The following EPG5 variants were observed in gnomAD, a reference collection of about 807,000 sequenced individuals.
EPG5 encodes the protein ectopic P granules protein 5 homolog.
In EPG5, 159 loss-of-function variants were observed where a neutral mutation model predicts 302.7. The ratio of observed to expected loss-of-function variants is 0.53; its 90% CI spans 0.46 to 0.60. The LOEUF (loss-of-function observed/expected upper bound fraction) is 0.60, where lower values mean the gene tolerates loss of function less well. Ranked by LOEUF, EPG5 falls within the 20% of genes least tolerant of loss-of-function variation. EPG5 has a pLI of 0.00. For synonymous variants in EPG5, 1,158 were observed against 1,136.8 expected (o/e 1.02, Z -0.37); for missense variants, 2,896 against 3,092.4 (o/e 0.94, Z 1.51).
intron 25 of EPG5, among the ~76,000 whole-genome samples, chr18:45,901,698 T>C (rs2049623206): frequency 6.6e-6 from 1 of 152,262 alleles, no homozygotes; most frequent in Admixed American, 6.5e-5. Context: ...TGCAGTCATA[T>C]AGTCCATCAG....
Position 45,939,785 on chromosome 18 carries a change from T to C in EPG5, c.1944-30A>G, listed in dbSNP as rs763126884. ...GCATGAGGAAAGATAATACAGTACT[T>C]TTCATTAGCTCAATATCTGCACCTT... On this transcript the variant is annotated intron_variant, in intron 9 of 43. Transcript: ENST00000282041. 8.8e-6 allele frequency: 14 copies of C among 1,594,770 alleles called. No homozygotes were observed. The Admixed American group carries it at 2.2e-4, about 26-fold the overall frequency.
intron 39 of EPG5, among the ~76,000 whole-genome samples, chr18:45,863,734 C>T (rs758911944): frequency 6.6e-6 from 1 of 152,182 alleles, no homozygotes; most frequent in Non-Finnish European, 1.5e-5. Flanking sequence ...CTTACAGATT[C>T]TTTTATTGAT....
At chr18:45,961,794 G>T (rs553993836) in intron 1 of EPG5, among the ~76,000 whole-genome samples, 60 of 150,462 alleles carry the variant, frequency 4.0e-4, no homozygotes, top group African/African-American at 1.4e-3. Context: ...GGAGGCAAAG[G>T]TTGCAGTCAG....
intron 10 of EPG5, among the ~76,000 whole-genome samples, chr18:45,935,686 A>G (rs1302180651): frequency 6.6e-6 from 1 of 152,194 alleles, no homozygotes; most frequent in Non-Finnish European, 1.5e-5. Context: ...ACACAGGTAC[A>G]CGTGTGCCCA....
chr18:45,910,022 G>GT (rs775888311), intron 23 of EPG5, among the ~76,000 whole-genome samples: 13 of 152,144 alleles, frequency 8.5e-5, no homozygotes, highest in Non-Finnish European at 1.8e-4. Context: ...GTCTCACTCT[G>GT]TTGCCCAGGC....
Position 45,952,548 on chromosome 18 carries a change from G to C in EPG5, c.1104C>G (p.Phe368Leu). 6.2e-7 allele frequency: 1 copy of C among 1,614,114 alleles called. No homozygotes were observed. The highest frequency in any genetic ancestry group is 1.1e-5 in the South Asian group (1 of 91,082). Residue 368 changes from phenylalanine to leucine, a missense_variant, in exon 3 of 44, where the codon TTC becomes TTG. By Grantham distance (22) the Phe-to-Leu change is conservative. Around this residue, in one of 5 missense-constraint regions of EPG5, gnomAD observed 1,390 missense variants for 1,430.0 expected, o/e 0.97. Coordinates refer to ENST00000282041, the MANE Select transcript of EPG5 (RefSeq NM_020964.3). ...GGTGGAGGTGCTCAGATTTGGCATC[G>C]AATAGCTTCTTTAGCTCCACCAGTG... The part of the protein sequence containing the change: ...ENALVELKKL[F>L]DAKSEHLHQT...
chr18:45,913,195 T>C (rs1201647282), intron 21 of EPG5, among the ~76,000 whole-genome samples: 1 of 152,180 alleles, frequency 6.6e-6, no homozygotes, highest in African/African-American at 2.4e-5. Flanking sequence ...TCGAGAATGC[T>C]GAATTCTTTG....
intron 5 of EPG5, 62 bp from the exon 6 acceptor site, chr18:45,948,638 T>C: frequency 1.5e-6 from 2 of 1,373,966 alleles, no homozygotes; most frequent in Non-Finnish European, 2.1e-6. Context: ...TCCATAATCT[T>C]GGTTCACAAG....
intron 43 of EPG5, among the ~76,000 whole-genome samples, chr18:45,854,191 G>A (rs1160775257): frequency 6.6e-6 from 1 of 152,212 alleles, no homozygotes; most frequent in African/African-American, 2.4e-5. Flanking sequence ...GATGTTTCAT[G>A]TAAGACAATA....
chr18:45,857,695 C>A, intron 42 of EPG5, 158 bp downstream of exon 42: 1 of 595,886 alleles, frequency 1.7e-6, no homozygotes. Flanking sequence ...AAGATGTAAT[C>A]AGGCTCTGTT....
the EPG5 span, chr18:45,837,433 G>A: frequency 5.7e-6 from 8 of 1,397,640 alleles, no homozygotes; most frequent in Non-Finnish European, 5.5e-6. Context: ...GCGTTTCCTG[G>A]GTCGTGGGGT....
rs555201385 is a variant in EPG5 at position 45,848,119 on chromosome 18, C to A, written c.*4348G>T. 9 of 151,820 alleles carry A rather than the reference C, an allele frequency of 5.9e-5. No individual in the cohort carries two copies. The highest frequency in any genetic ancestry group is 4.6e-4 in the Admixed American group (7 of 15,250). 9.4% of individuals were successfully genotyped at this position (151,820 alleles called of 1,614,324 possible). ...GGAAACCGGACCAAAATGAAGTCTG[C>A]GTTAGTAAGTCTAGAACTTTACCCA... On this transcript the variant is annotated 3_prime_UTR_variant, in exon 44 of 44. Transcript: ENST00000282041.
chr18:45,854,089 A>G (rs543481153), intron 43 of EPG5, among the ~76,000 whole-genome samples: 4 of 152,308 alleles, frequency 2.6e-5, no homozygotes, highest in African/African-American at 7.2e-5. Context: ...TGCTGCAGGT[A>G]CTGGTGGCCA....
rs548268082 is a variant in EPG5 at position 45,859,963 on chromosome 18, C to T, written c.7009+141G>A. ...TATGAAAAATACGTATATTCAGAAA[C>T]ATCCACAACATTTGTAGAGCAGAAA... On this transcript the variant is annotated intron_variant, in intron 40 of 43. Transcript: ENST00000282041. The T allele has an allele frequency of 3.9e-4, 423 of 1,082,114 alleles. 5 individuals are homozygous for T. In the South Asian group the frequency reaches 6.2e-3, roughly 16 times the overall value. 67.0% of individuals were successfully genotyped at this position (1,082,114 alleles called of 1,614,324 possible).
intron 20 of EPG5, 117 bp downstream of exon 20, chr18:45,915,394 C>A: frequency 1.4e-6 from 1 of 729,506 alleles, no homozygotes; most frequent in Non-Finnish European, 2.3e-6. Context: ...AGTATACTTA[C>A]ACTAGAATAA....
intron 13 of EPG5, 135 bp downstream of exon 13, chr18:45,928,734 C>T (rs1341218482): frequency 4.2e-6 from 3 of 718,046 alleles, no homozygotes; most frequent in Admixed American, 3.3e-5. Flanking sequence ...GAGGCTGGCA[C>T]AGTAAATGTT....
intron 35 of EPG5, 81 bp from the exon 36 acceptor site, chr18:45,870,823 G>C: frequency 1.6e-6 from 2 of 1,233,800 alleles, no homozygotes; most frequent in Non-Finnish European, 2.2e-6. Context: ...TGAACTAAAA[G>C]TCTAAAATCT....
the EPG5 span, among the ~76,000 whole-genome samples, chr18:45,813,559 A>G: frequency 6.6e-6 from 1 of 152,336 alleles, no homozygotes; most frequent in Non-Finnish European, 1.5e-5. Context: ...AATGTAGCAC[A>G]TATACACCAT....
intron 34 of EPG5, among the ~76,000 whole-genome samples, chr18:45,877,891 A>T (rs1025298395): frequency 2.6e-5 from 4 of 152,222 alleles, no homozygotes; most frequent in African/African-American, 9.6e-5. Context: ...AAAGACTCAG[A>T]AGGCAACTCA....
Sources: allele counts gnomAD v4.1 joint callset (sites outside exome capture counted in the v4.1 genomes callset), GRCh38; gene constraint gnomAD v4.1.1; regional missense constraint gnomAD v4.1.1; transcripts MANE v1.5; gene names NCBI Gene and HGNC (gene_info 2026-07-23, HGNC 2026-07-21).